Variants in DLG3 observed in about 807,000 individuals in gnomAD.
DLG3 encodes disks large homolog 3.
DLG3 carries 1 observed loss-of-function variant against 64.1 expected under a neutral mutation model. The ratio of observed to expected loss-of-function variants is 0.02; its 90% CI spans 0.01 to 0.07. The LOEUF (loss-of-function observed/expected upper bound fraction) is 0.07, where lower values mean the gene tolerates loss of function less well. DLG3 is among the 10% of genes least tolerant of loss of function. The probability of loss-of-function intolerance (pLI) is 1.00; values close to 1 mark genes in which losing one functional copy is unlikely to be tolerated. For synonymous variants in DLG3, 245 were observed against 259.8 expected (o/e 0.94, Z 0.55); for missense variants, 429 against 669.5 (o/e 0.64, Z 3.96).
chrX:70,452,139 C>A, intron 7 of DLG3, 113 bp downstream of exon 7: 7 of 1,091,110 alleles, frequency 6.4e-6, no homozygotes, highest in Non-Finnish European at 7.3e-6. Context: ...GAGGATAAGG[C>A]CCTCATCACT....
At chrX:70,483,573 T>C (rs2087204372) in intron 10 of DLG3, among the ~76,000 whole-genome samples, 1 of 112,357 alleles carries the variant, frequency 8.9e-6, no homozygotes, top group Admixed American at 9.4e-5. Context: ...TGAGTATCTA[T>C]CTCCCTTTGG....
At chrX:70,495,834 C>T (rs1044830224) in intron 13 of DLG3, among the ~76,000 whole-genome samples, 3 of 111,388 alleles carry the variant, frequency 2.7e-5, no homozygotes, top group Non-Finnish European at 5.7e-5. Flanking sequence ...AGTGATACCA[C>T]GCTAAAGAAT....
chrX:70,497,951 C>A lies in DLG3; in HGVS notation c.1820-569C>A, dbSNP rs187290576. 4.4e-4 allele frequency among the ~76,000 whole-genome samples: 49 copies of A among 111,993 alleles called. No individual in the cohort carries two copies. The East Asian group carries it at 0.013, about 30-fold the overall frequency. On this transcript the variant is annotated intron_variant, in intron 13 of 18. Coordinates refer to ENST00000374360, the MANE Select transcript of DLG3 (RefSeq NM_021120.4). ...CAACATTGCTAGGCTCGACATGGGGCTCCACCAGGAAGAGACAGCAGGTTC... is the reference window on the plus strand; with the variant it reads ...CAACATTGCTAGGCTCGACATGGGGATCCACCAGGAAGAGACAGCAGGTTC...
rs890675416 is a variant in DLG3 at position 70,505,253 on chromosome X, C to G, written c.*2984C>G. The G allele has an allele frequency of 8.9e-6, 1 of 112,039 alleles. No individual in the cohort carries two copies. Among genetic ancestry groups the G allele is most frequent in the Admixed American group, 9.4e-5 (1 of 10,605 alleles). 9.2% of individuals were successfully genotyped at this position (112,039 alleles called of 1,213,427 possible). On this transcript the variant is annotated 3_prime_UTR_variant, in exon 19 of 19. Transcript: ENST00000374360. ...GGAGGTACAGCTGAAGAACATTCAG[C>G]CCCAGCACGAGAAGATACAGAGCAA... is the stretch of plus-strand genomic sequence containing the variant.
chrX:70,458,823 G>GGACA (rs1261401697), intron 9 of DLG3, among the ~76,000 whole-genome samples: 1 of 112,540 alleles, frequency 8.9e-6, no homozygotes, highest in Non-Finnish European at 1.9e-5. Flanking sequence ...AAACGGTTAT[G>GGACA]GACACAGCAA....
At chrX:70,450,038 C>A (rs1427342698) in intron 4 of DLG3, 131 bp from the exon 5 acceptor site, 2 of 996,984 alleles carry the variant, frequency 2.0e-6, no homozygotes, top group Middle Eastern at 3.0e-4. Context: ...GGCAGCTTAG[C>A]GTTTGGATCC....
At chrX:70,500,255 G>T (rs1206546027) in intron 16 of DLG3, among the ~76,000 whole-genome samples, 1 of 111,589 alleles carries the variant, frequency 9.0e-6, no homozygotes, top group Non-Finnish European at 1.9e-5. Flanking sequence ...GGAATAGGGG[G>T]CCCTGGACAG....
intron 10 of DLG3, among the ~76,000 whole-genome samples, chrX:70,488,000 G>A (rs770546080): frequency 5.5e-5 from 6 of 110,022 alleles, no homozygotes; most frequent in Non-Finnish European, 1.1e-4. Flanking sequence ...ACATGTAGCT[G>A]AGTGAAGAAT....
chrX:70,485,029 G>C (rs1157227161), intron 10 of DLG3, among the ~76,000 whole-genome samples: 1 of 112,237 alleles, frequency 8.9e-6, no homozygotes, highest in African/African-American at 3.2e-5. Flanking sequence ...GCTTTATACA[G>C]ACTGGGCAAG....
chrX:70,451,105 TTTTG>T (rs947521169), intron 6 of DLG3: 8 of 299,368 alleles, frequency 2.7e-5, no homozygotes, highest in East Asian at 1.3e-4. Flanking sequence ...GTCTTTGTTT[TTTTG>T]TTTGTTTGTT....
intron 9 of DLG3, among the ~76,000 whole-genome samples, chrX:70,464,665 A>T (rs774025740): frequency 8.9e-6 from 1 of 111,877 alleles, no homozygotes; most frequent in Non-Finnish European, 1.9e-5. Flanking sequence ...AGGTATCTTT[A>T]AAAAAGCAGG....
chrX:70,464,376 C>T (rs1162574181), intron 9 of DLG3, among the ~76,000 whole-genome samples: 4 of 110,349 alleles, frequency 3.6e-5, no homozygotes, highest in African/African-American at 1.3e-4. Flanking sequence ...GATCCTCCCA[C>T]CTCAGCCTGC....
intron 10 of DLG3, among the ~76,000 whole-genome samples, chrX:70,485,526 C>T (rs1437717083): frequency 9.0e-6 from 1 of 111,148 alleles, no homozygotes. Context: ...ACAGATGGCT[C>T]GAGCCACAGG....
At chrX:70,454,377 G>T (rs1480472604) in intron 9 of DLG3, 61 bp downstream of exon 9, 3 of 1,035,448 alleles carry the variant, frequency 2.9e-6, no homozygotes, top group Admixed American at 2.4e-5. Context: ...TTATGTGTTG[G>T]CTTTTTGCCA....
At chrX:70,500,379 G>A (rs933302879) in intron 16 of DLG3, 92 bp from the exon 17 acceptor site, 9 of 430,746 alleles carry the variant, frequency 2.1e-5, no homozygotes, top group East Asian at 1.2e-4. Flanking sequence ...CCCCACCCCC[G>A]GCCAAGGTGG....
intron 10 of DLG3, among the ~76,000 whole-genome samples, chrX:70,480,606 C>T (rs1435625304): frequency 1.8e-5 from 2 of 111,958 alleles, no homozygotes; most frequent in Admixed American, 9.5e-5. Context: ...TCACTAAAGC[C>T]CTTGCTCCCA....
At chrX:70,453,874 G>T in intron 8 of DLG3, 81 bp downstream of exon 8, 1 of 951,385 alleles carries the variant, frequency 1.1e-6, no homozygotes, top group Non-Finnish European at 1.4e-6. Context: ...TTCCTCCGAG[G>T]AATGCTTCTT....
intron 10 of DLG3, among the ~76,000 whole-genome samples, chrX:70,486,669 TC>T (rs1174532939): frequency 2.0e-5 from 2 of 102,031 alleles, no homozygotes; most frequent in African/African-American, 3.7e-5. Context: ...TTTTTTTTTT[TC>T]ATGCTCACTC....
At chrX:70,480,287 T>A (rs890290932) in intron 10 of DLG3, among the ~76,000 whole-genome samples, 1 of 112,067 alleles carries the variant, frequency 8.9e-6, no homozygotes. Flanking sequence ...GTCCTTGGGG[T>A]GTGAGAGGAC....
Sources: allele counts gnomAD v4.1 joint callset (sites outside exome capture counted in the v4.1 genomes callset), GRCh38; gene constraint gnomAD v4.1.1; transcripts MANE v1.5; gene names NCBI Gene and HGNC (gene_info 2026-07-23, HGNC 2026-07-21).